LRMDA: variants seen among roughly 807,000 people sequenced by gnomAD.
The protein encoded by LRMDA is leucine-rich melanocyte differentiation-associated protein.
In LRMDA, 18 loss-of-function variants were observed where a neutral mutation model predicts 29.8. The observed-to-expected ratio is 0.60, with a 90% CI of 0.42 to 0.90. The LOEUF is 0.90. LRMDA is among the 40% of genes least tolerant of loss of function. The pLI, the probability that LRMDA is intolerant of heterozygous loss-of-function variation, is 0.00. For synonymous variants in LRMDA, 125 were observed against 109.4 expected, an observed-to-expected ratio of 1.14 and a Z score of -0.89; for missense variants, 273 against 273.9, an observed-to-expected ratio of 1.00 and a Z score of 0.02.
chr10:76,159,491 G>A (rs1166552215), intron 5 of LRMDA, among the ~76,000 whole-genome samples: 1 of 152,072 alleles, frequency 6.6e-6, no homozygotes, highest in Non-Finnish European at 1.5e-5. Flanking sequence ...TTAGAAAACT[G>A]AACATAACTT....
chr10:75,630,766 A>T (rs1228860704), intron 2 of LRMDA, among the ~76,000 whole-genome samples: 1 of 152,242 alleles, frequency 6.6e-6, no homozygotes. Context: ...ATTTCTCTTA[A>T]GGTGTAAGCA....
chr10:76,165,017 G>T (rs551747972), intron 5 of LRMDA, among the ~76,000 whole-genome samples: 1 of 152,310 alleles, frequency 6.6e-6, no homozygotes, highest in Non-Finnish European at 1.5e-5. Context: ...TTGTCCCCCA[G>T]GCTAGAGTGC....
At chr10:75,791,114 GC>G (rs1843557822) in intron 2 of LRMDA, among the ~76,000 whole-genome samples, 1 of 152,182 alleles carries the variant, frequency 6.6e-6, no homozygotes. Flanking sequence ...TGAGGCACTG[GC>G]CCTTAGAGGA....
intron 6 of LRMDA, among the ~76,000 whole-genome samples, chr10:76,510,927 C>T (rs1186363824): frequency 6.6e-6 from 1 of 152,152 alleles, no homozygotes; most frequent in Non-Finnish European, 1.5e-5. Context: ...TAAACTTCAT[C>T]TTGCAAAGGA....
At chr10:75,918,426 C>A (rs140897298) in intron 2 of LRMDA, among the ~76,000 whole-genome samples, 5 of 152,004 alleles carry the variant, frequency 3.3e-5, no homozygotes, top group Admixed American at 2.6e-4. Flanking sequence ...GGGCACATCA[C>A]GTGGGGAAAG....
chr10:75,732,431 C>G (rs1017867714), intron 2 of LRMDA, among the ~76,000 whole-genome samples: 2 of 152,206 alleles, frequency 1.3e-5, no homozygotes, highest in Non-Finnish European at 2.9e-5. Context: ...ATAAACCAAA[C>G]TAACAAATGC....
At position 75,465,482 on chromosome 10, in the gene LRMDA, G is replaced by C. The variant is rs375880040; in HGVS notation, c.131+26988G>C. ...TAGGTACATAGGAAGACCATTTTAC[G>C]TGCCCTCTCTTGGTTTTTCATTGCC... On this transcript the variant is annotated intron_variant, in intron 2 of 6. Transcript: ENST00000611255. Among the ~76,000 whole-genome samples, 21 of 152,266 alleles carry C rather than the reference G, an allele frequency of 1.4e-4. No homozygotes were observed. The East Asian group carries it at 3.1e-3, about 22-fold the overall frequency.
At chr10:76,318,328 T>A (rs1840726015) in intron 5 of LRMDA, 1 of 152,234 alleles carries the variant, frequency 6.6e-6, no homozygotes. Flanking sequence ...ACTGCTACTC[T>A]GGGCCAGATG....
intron 4 of LRMDA, among the ~76,000 whole-genome samples, chr10:76,051,070 C>A (rs1337263381): frequency 6.6e-6 from 1 of 152,198 alleles, no homozygotes; most frequent in Non-Finnish European, 1.5e-5. Context: ...CTGCATGGAG[C>A]AGCCCTGGGG....
rs12355465 is a variant in LRMDA, at chr10:76,134,072, A to T, written c.516+75289A>T. Among the ~76,000 whole-genome samples, 220 of 152,170 alleles carry T rather than the reference A, an allele frequency of 1.4e-3. 3 individuals are homozygous for T. Among genetic ancestry groups the T allele is most frequent in the Non-Finnish European group, 2.5e-3 (173 of 67,988 alleles). Reference sequence around the variant, plus strand: ...CTGCATGCTGTTTTAATTACAGCATAATCTCAGAGAGCTTTCGAGGCACTG... The same window carrying T: ...CTGCATGCTGTTTTAATTACAGCATTATCTCAGAGAGCTTTCGAGGCACTG... On this transcript the variant is annotated intron_variant, in intron 5 of 6. Coordinates refer to ENST00000611255, the MANE Select transcript of LRMDA (RefSeq NM_001305581.2).
In LRMDA at chr10:75,624,665, C is replaced by G. The variant is rs1314283222; in HGVS notation, c.131+186171C>G. Among the ~76,000 whole-genome samples, 4 of 152,080 alleles carry G rather than the reference C, an allele frequency of 2.6e-5. No homozygotes were observed. The East Asian group carries it at 7.8e-4, about 29-fold the overall frequency. ...GGTTGTGGAATTCACAACTGATAAC[C>G]AAGCTGGAGTTGTTTATAAAATGCC... is the stretch of plus-strand genomic sequence containing the variant. On this transcript the variant is annotated intron_variant, in intron 2 of 6. Transcript: ENST00000611255.
intron 2 of LRMDA, among the ~76,000 whole-genome samples, chr10:75,862,943 A>G (rs1158142560): frequency 6.6e-6 from 1 of 152,170 alleles, no homozygotes; most frequent in African/African-American, 2.4e-5. Context: ...AGACCAGGGC[A>G]TCTATGTAAA....
At chr10:76,543,837 A>G (rs751889024) in intron 6 of LRMDA, among the ~76,000 whole-genome samples, 2 of 152,140 alleles carry the variant, frequency 1.3e-5, no homozygotes, top group Non-Finnish European at 2.9e-5. Context: ...GTTCATTCAA[A>G]TAAAATTTCA....
chr10:75,690,994 TACACACACACAC>T lies in LRMDA; in HGVS notation c.131+252524_131+252535del, dbSNP rs3041682. Among the ~76,000 whole-genome samples, 135 of 100,046 alleles carry T rather than the reference TACACACACACAC, an allele frequency of 1.3e-3. 6 individuals are homozygous for T. The highest frequency in any genetic ancestry group is 4.8e-3 in the African/African-American group (119 of 24,984). The allele number at this position is 100,046 out of a possible 152,430, so 65.6% of individuals were successfully genotyped here. Reference sequence around the variant, plus strand: ...TAAAAAAAAAATATATATATATATATACACACACACACACACACACACACACACACACACATA... The same window carrying T: ...TAAAAAAAAAATATATATATATATATACACACACACACACACACACACATA... On this transcript the variant is annotated intron_variant, in intron 2 of 6. Transcript: ENST00000611255.
intron 2 of LRMDA, among the ~76,000 whole-genome samples, chr10:75,830,798 C>G (rs1373009998): frequency 6.6e-6 from 1 of 152,198 alleles, no homozygotes; most frequent in African/African-American, 2.4e-5. Context: ...ACCATGCCTT[C>G]CCAACAGTCC....
At chr10:75,552,626 T>G in intron 2 of LRMDA, 3 of 423,508 alleles carry the variant, frequency 7.1e-6, no homozygotes, top group South Asian at 5.2e-5. Context: ...TTAATTAATT[T>G]TGGAAAATTC....
chr10:76,553,242 A>C (rs888252912), intron 6 of LRMDA, among the ~76,000 whole-genome samples: 1 of 152,204 alleles, frequency 6.6e-6, no homozygotes, highest in African/African-American at 2.4e-5. Context: ...TTTACTTACT[A>C]TGGCCAAAGC....
Position 76,317,806 on chromosome 10 carries a change from T to G in LRMDA, c.517-6595T>G, listed in dbSNP as rs930578659. ...TCAGGTGGATCTCAGACTCCTGACC[T>G]CAGGTGATCCACCTGCCTCAGCCTC... On this transcript the variant is annotated intron_variant, in intron 5 of 6. Coordinates refer to ENST00000611255, the MANE Select transcript of LRMDA (RefSeq NM_001305581.2). Among the ~76,000 whole-genome samples the G allele has an allele frequency of 6.6e-5, 10 of 152,166 alleles. No individual in the cohort carries two copies. The South Asian group carries it at 2.1e-3, about 32-fold the overall frequency.
chr10:75,561,327 T>C (rs1328555765), intron 2 of LRMDA, among the ~76,000 whole-genome samples: 2 of 148,958 alleles, frequency 1.3e-5, no homozygotes, highest in East Asian at 4.0e-4. Flanking sequence ...TGCGTAGAGG[T>C]GTTTGTAGTA....
Sources: allele counts gnomAD v4.1 joint callset (sites outside exome capture counted in the v4.1 genomes callset), GRCh38; gene constraint gnomAD v4.1.1; transcripts MANE v1.5; gene names NCBI Gene and HGNC (gene_info 2026-07-23, HGNC 2026-07-21).